The following PCDH9 variants were observed in gnomAD, a reference collection of about 807,000 sequenced individuals.
The protein encoded by PCDH9 is protocadherin 9, also known as protocadherin-9.
PCDH9 carries 24 observed loss-of-function variants against 70.6 expected under a neutral mutation model. The observed-to-expected ratio is 0.34, with a 90% CI of 0.25 to 0.48. The LOEUF (loss-of-function observed/expected upper bound fraction) is 0.48. PCDH9 is among the 20% of genes least tolerant of loss of function. PCDH9 has a pLI of 0.99. For synonymous variants in PCDH9, 562 were observed against 558.5 expected, an observed-to-expected ratio of 1.01 and a Z score of -0.09; for missense variants, 1,281 against 1,503.6, an observed-to-expected ratio of 0.85 and a Z score of 2.45.
intron 3 of PCDH9, among the ~76,000 whole-genome samples, chr13:66,825,554 C>G (rs1221961469): frequency 6.6e-6 from 1 of 151,468 alleles, no homozygotes; most frequent in Non-Finnish European, 1.5e-5. Context: ...CCAGGATGGT[C>G]TCGATCTCCT....
At chr13:66,701,181 A>C (rs1036772280) in intron 3 of PCDH9, among the ~76,000 whole-genome samples, 11 of 151,494 alleles carry the variant, frequency 7.3e-5, no homozygotes, top group African/African-American at 2.7e-4. Flanking sequence ...CTTTATAGTG[A>C]GCTCTTCTGG....
At chr13:66,939,571 G>C (rs1295445535) in intron 2 of PCDH9, among the ~76,000 whole-genome samples, 1 of 151,702 alleles carries the variant, frequency 6.6e-6, no homozygotes, top group African/African-American at 2.4e-5. Flanking sequence ...CGAGTAGCTG[G>C]GATTACAGGT....
At chr13:66,333,235 G>A (rs1236871123) in intron 4 of PCDH9, among the ~76,000 whole-genome samples, 1 of 150,884 alleles carries the variant, frequency 6.6e-6, no homozygotes, top group African/African-American at 2.4e-5. Flanking sequence ...TAATGTAGTA[G>A]TCTCAGAATA....
intron 3 of PCDH9, among the ~76,000 whole-genome samples, chr13:66,787,995 T>C (rs1340833241): frequency 6.6e-6 from 1 of 152,168 alleles, no homozygotes; most frequent in Non-Finnish European, 1.5e-5. Flanking sequence ...GGGAACAGTG[T>C]AGGCACAGGA....
intron 4 of PCDH9, among the ~76,000 whole-genome samples, chr13:66,546,899 A>G (rs1267360535): frequency 2.0e-5 from 3 of 152,344 alleles, no homozygotes; most frequent in Non-Finnish European, 4.4e-5. Flanking sequence ...TCAGTAAAGT[A>G]ACATGCTGTA....
intron 3 of PCDH9, among the ~76,000 whole-genome samples, chr13:66,819,442 C>A (rs1796997795): frequency 6.6e-6 from 1 of 152,064 alleles, no homozygotes; most frequent in East Asian, 1.9e-4. Context: ...CATCTGTAGT[C>A]CAGATGAGTT....
At chr13:66,865,064 C>A (rs995371813) in intron 3 of PCDH9, among the ~76,000 whole-genome samples, 16 of 152,102 alleles carry the variant, frequency 1.1e-4, no homozygotes, top group Non-Finnish European at 2.4e-4. Context: ...AGTGTATATC[C>A]CTAAAACAGA....
At chr13:67,201,000 A>G (rs1593610037) in intron 2 of PCDH9, 1 of 152,144 alleles carries the variant, frequency 6.6e-6, no homozygotes, top group Non-Finnish European at 1.5e-5. Context: ...AATTCAACAC[A>G]AAGTCTCAAC....
At chr13:67,007,563 G>T (rs978977454) in intron 2 of PCDH9, among the ~76,000 whole-genome samples, 1 of 152,158 alleles carries the variant, frequency 6.6e-6, no homozygotes, top group African/African-American at 2.4e-5. Flanking sequence ...CATTATGGGA[G>T]CATGGGATAT....
intron 2 of PCDH9, among the ~76,000 whole-genome samples, chr13:67,004,626 A>G (rs2084314302): frequency 6.6e-6 from 1 of 152,098 alleles, no homozygotes; most frequent in South Asian, 2.1e-4. Context: ...ACATATTTCA[A>G]AATCAATATG....
At chr13:67,158,816 A>G (rs561175930) in intron 2 of PCDH9, among the ~76,000 whole-genome samples, 1 of 152,346 alleles carries the variant, frequency 6.6e-6, no homozygotes, top group East Asian at 1.9e-4. Context: ...CTTGCTGTCA[A>G]TGATATTTTC....
rs374365151 is a variant in PCDH9, at chr13:66,602,502, AAAC to A, written c.3340+28705_3340+28707del. On this transcript the variant is annotated intron_variant, in intron 4 of 4. Coordinates refer to ENST00000377865, the MANE Select transcript of PCDH9 (RefSeq NM_203487.3). ...AGTTTTTAACAAACAAATTAAAAAA[AAAC>A]AACAACAGAAAAGTATGATAGAATA... is the stretch of plus-strand genomic sequence containing the variant. 2.1e-4 allele frequency among the ~76,000 whole-genome samples: 30 copies of A among 146,126 alleles called. 2 individuals carry two copies. Among genetic ancestry groups the A allele is most frequent in the African/African-American group, 5.9e-4 (24 of 40,640 alleles).
intron 3 of PCDH9, among the ~76,000 whole-genome samples, chr13:66,864,984 G>T (rs890688256): frequency 6.6e-6 from 1 of 152,124 alleles, no homozygotes; most frequent in Non-Finnish European, 1.5e-5. Flanking sequence ...AAATACAAGA[G>T]AAAGAATTAT....
At chr13:67,034,751 G>C (rs1414424513) in intron 2 of PCDH9, among the ~76,000 whole-genome samples, 1 of 151,264 alleles carries the variant, frequency 6.6e-6, no homozygotes, top group African/African-American at 2.4e-5. Flanking sequence ...TGTCACGAGA[G>C]TTTGGTGTAC....
chr13:66,349,964 T>C (rs187469314), intron 4 of PCDH9, among the ~76,000 whole-genome samples: 134 of 152,284 alleles, frequency 8.8e-4, no homozygotes, highest in African/African-American at 3.0e-3. Context: ...CTCCACACTT[T>C]AAAAATTAAT....
intron 2 of PCDH9, chr13:67,201,230 T>C (rs906679441): frequency 2.0e-5 from 3 of 152,046 alleles, no homozygotes; most frequent in African/African-American, 7.2e-5. Context: ...TTTAAATAAA[T>C]AGTAGAATAC....
At chr13:67,088,145 G>C (rs931060750) in intron 2 of PCDH9, among the ~76,000 whole-genome samples, 3 of 150,634 alleles carry the variant, frequency 2.0e-5, no homozygotes, top group Non-Finnish European at 4.4e-5. Flanking sequence ...TAAAGAATAA[G>C]AATTTCTGCT....
chr13:66,774,258 G>A (rs1232025319), intron 3 of PCDH9, among the ~76,000 whole-genome samples: 1 of 152,130 alleles, frequency 6.6e-6, no homozygotes, highest in Non-Finnish European at 1.5e-5. Context: ...GCCAACGTCT[G>A]ACTCACCCAA....
chr13:66,796,815 G>A (rs2080249215), intron 3 of PCDH9, among the ~76,000 whole-genome samples: 1 of 152,078 alleles, frequency 6.6e-6, no homozygotes, highest in Non-Finnish European at 1.5e-5. Flanking sequence ...ATTGATAAAA[G>A]TGTATTAACG....
Sources: allele counts gnomAD v4.1 joint callset (sites outside exome capture counted in the v4.1 genomes callset), GRCh38; gene constraint gnomAD v4.1.1; transcripts MANE v1.5; gene names NCBI Gene and HGNC (gene_info 2026-07-23, HGNC 2026-07-21).